MYO18A: variants seen among roughly 807,000 people sequenced by gnomAD.
The protein encoded by MYO18A is unconventional myosin-XVIIIa.
A neutral mutation model predicts 235.8 loss-of-function variants in MYO18A; 78 were observed. The ratio of observed to expected loss-of-function variants is 0.33; its 90% CI spans 0.28 to 0.40. The LOEUF (loss-of-function observed/expected upper bound fraction) is 0.40. MYO18A is among the 10% of genes least tolerant of loss of function. MYO18A has a pLI of 1.00. For synonymous variants in MYO18A, 977 were observed against 1,077.8 expected, an observed-to-expected ratio of 0.91 and a Z score of 1.83; for missense variants, 2,215 against 2,699.3, an observed-to-expected ratio of 0.82 and a Z score of 3.98.
At chr17:29,077,513 C>G (rs1251929011) in intron 41 of MYO18A, 2 of 152,288 alleles carry the variant, frequency 1.3e-5, no homozygotes, top group African/African-American at 4.8e-5. Context: ...CATCCCATGC[C>G]CCCACCCCAA....
chr17:29,089,815 G>A, intron 37 of MYO18A, 146 bp downstream of exon 37: 2 of 1,019,924 alleles, frequency 2.0e-6, no homozygotes, highest in South Asian at 1.7e-5. Flanking sequence ...CGGGAGAGAA[G>A]CACCTGCCCG....
rs748604276 is a variant in MYO18A, at chr17:29,074,134, C to T, written c.*636G>A. On this transcript the variant is annotated 3_prime_UTR_variant, in exon 42 of 42. Transcript: ENST00000527372. This position sits in a 1 kb window ranked among gnomAD's most constrained non-coding sequence, Gnocchi z 4.4. ...TCTTAAGAACCTGGACCCGGCTCTC[C>T]TCACCAGCGTCTCCAGCTGCACAGA... 1.9e-6 allele frequency: 3 copies of T among 1,613,860 alleles called. No homozygotes were observed. The highest frequency in any genetic ancestry group is 2.5e-6 in the Non-Finnish European group (3 of 1,179,984).
In MYO18A at chr17:29,125,218, G is replaced by T. The variant is rs1241660838; in HGVS notation, c.1000-2965C>A. ...AAGGGTGCCACTCCCTAGGCCAAGG[G>T]CTGTGTTCAGAGCTGTCGCCCTGCA... On this transcript the variant is annotated intron_variant, in intron 2 of 41. Transcript: ENST00000527372. The surrounding 1 kb of genome is among the most constrained non-coding windows in gnomAD (Gnocchi z 5.1). Among the ~76,000 whole-genome samples the T allele has an allele frequency of 6.6e-6, 1 of 152,150 alleles. No homozygotes were observed. Among genetic ancestry groups the T allele is most frequent in the African/African-American group, 2.4e-5 (1 of 41,424 alleles).
At chr17:29,160,835 A>G (rs949993879) in intron 2 of MYO18A, among the ~76,000 whole-genome samples, 5 of 152,028 alleles carry the variant, frequency 3.3e-5, no homozygotes, top group African/African-American at 7.2e-5. Flanking sequence ...CACCAGGAGA[A>G]GTACCCCTAC....
chr17:29,108,117 C>T (rs1423762323), intron 19 of MYO18A, among the ~76,000 whole-genome samples: 2 of 151,866 alleles, frequency 1.3e-5, no homozygotes, highest in African/African-American at 4.8e-5. Context: ...AATGAGAAAC[C>T]AGGTAAAAAG....
intron 1 of MYO18A, among the ~76,000 whole-genome samples, chr17:29,178,844 TCTGTACTCACCGTCC>T: frequency 6.6e-6 from 1 of 152,228 alleles, no homozygotes; most frequent in East Asian, 1.9e-4. Context: ...TTCAATGGGC[TCTGTACTCACCGTCC>T]TGCTCAGGTG....
intron 1 of MYO18A, among the ~76,000 whole-genome samples, chr17:29,172,527 A>G (rs564970917): frequency 6.6e-6 from 1 of 152,330 alleles, no homozygotes; most frequent in African/African-American, 2.4e-5. Flanking sequence ...AATCTCAGGC[A>G]AATCACTTAA....
In MYO18A at chr17:29,073,728, T is replaced by G; in HGVS notation, c.*1042A>C. 1 of 993,608 alleles carries G rather than the reference T, an allele frequency of 1.0e-6. No individual in the cohort carries two copies. Among genetic ancestry groups the G allele is most frequent in the East Asian group, 2.5e-5 (1 of 40,690 alleles). The allele number at this position is 993,608 out of a possible 1,614,324, so 61.5% of individuals were successfully genotyped here. Reference sequence around the variant, plus strand: ...CCTCCAGACCACATGGTGTTGTGTCTGGGATAAGTGTGTGGGGGCAGGGAG... The same window carrying G: ...CCTCCAGACCACATGGTGTTGTGTCGGGGATAAGTGTGTGGGGGCAGGGAG... On this transcript the variant is annotated 3_prime_UTR_variant, in exon 42 of 42. Coordinates refer to ENST00000527372, the MANE Select transcript of MYO18A (RefSeq NM_078471.4).
At chr17:29,093,052 C>A in intron 32 of MYO18A, 51 bp from the exon 33 acceptor site, 1 of 1,578,124 alleles carries the variant, frequency 6.3e-7, no homozygotes, top group East Asian at 2.3e-5. Context: ...GGGCTTCCTC[C>A]TATCTTCCCC....
chr17:29,162,416 G>A (rs2068193036), intron 2 of MYO18A, among the ~76,000 whole-genome samples: 1 of 152,244 alleles, frequency 6.6e-6, no homozygotes, highest in Admixed American at 6.5e-5. Context: ...CCTGAAATAT[G>A]TGATTCTCTC....
At position 29,180,198 on chromosome 17, in the gene MYO18A, GA is replaced by G. The variant is rs2068618487; in HGVS notation, c.-82+114del. 6.6e-6 allele frequency: 1 copy of G among 151,128 alleles called. No individual in the cohort carries two copies. The highest frequency in any genetic ancestry group is 1.5e-5 in the Non-Finnish European group (1 of 67,498). The allele number at this position is 151,128 out of a possible 1,614,324, so 9.4% of individuals were successfully genotyped here. On this transcript the variant is annotated intron_variant, in intron 1 of 41. Transcript: ENST00000527372. This position sits in a 1 kb window ranked among gnomAD's most constrained non-coding sequence, Gnocchi z 6.1. The stretch of plus-strand genomic sequence containing the variant: ...CTTCCAGGGGACGGGGGAGGAGGAG[GA>G]GGAGCCGGCGGGCCCCGCCGCCCGC...
intron 1 of MYO18A, among the ~76,000 whole-genome samples, chr17:29,175,478 C>T (rs1305904024): frequency 6.6e-6 from 1 of 151,428 alleles, no homozygotes; most frequent in Admixed American, 6.6e-5. Context: ...TCCTTCCCAC[C>T]GCAGCCTCCT....
chr17:29,124,927 C>G (rs1457954999), intron 2 of MYO18A, among the ~76,000 whole-genome samples: 1 of 152,154 alleles, frequency 6.6e-6, no homozygotes, highest in Non-Finnish European at 1.5e-5. Flanking sequence ...CATCAGGCCT[C>G]TCAGAGGAGA....
intron 41 of MYO18A, chr17:29,076,731 T>A (rs556405032): frequency 6.6e-6 from 1 of 152,226 alleles, no homozygotes; most frequent in African/African-American, 2.4e-5. Flanking sequence ...TTGTTTGAAT[T>A]CTAAATTAGT....
chr17:29,134,668 G>T (rs981134519), intron 2 of MYO18A, among the ~76,000 whole-genome samples: 1 of 151,964 alleles, frequency 6.6e-6, no homozygotes, highest in Non-Finnish European at 1.5e-5. Context: ...GATTACAGGC[G>T]CCCGCTACCA....
chr17:29,107,443 A>G (rs1598313294), intron 19 of MYO18A: 6 of 466,756 alleles, frequency 1.3e-5, no homozygotes, highest in South Asian at 1.1e-4. Flanking sequence ...CCTCCTTCAG[A>G]GAGAAGTAAG....
rs1033457090 is a variant in MYO18A, at chr17:29,110,621, T to C, written c.2902A>G (p.Lys968Glu). The C allele has an allele frequency of 2.5e-6, 4 of 1,602,534 alleles. No individual in the cohort carries two copies. The Admixed American group carries it at 6.8e-5, about 27-fold the overall frequency. Residue 968 changes from lysine to glutamate, a missense_variant and splice_region_variant, in exon 18 of 42, where the codon AAA becomes GAA. Physicochemically the swap from Lys to Glu is moderately conservative, Grantham distance 56. Coordinates refer to ENST00000527372, the MANE Select transcript of MYO18A (RefSeq NM_078471.4). The part of the protein sequence containing the change: ...APRLLQDSQK[K>E]IISNLFLGRA... Reference sequence around the variant, plus strand: ...CCCAGAAACAGGTTGCTGATGATTTTTCTGCCAGAGGTGGGAGGATAAGGG... The same window carrying C: ...CCCAGAAACAGGTTGCTGATGATTTCTCTGCCAGAGGTGGGAGGATAAGGG...
chr17:29,082,505 G>C, intron 40 of MYO18A, 67 bp from the exon 41 acceptor site: 2 of 1,524,780 alleles, frequency 1.3e-6, no homozygotes. Flanking sequence ...GGGAGCAGAT[G>C]GGGGTGCAGG....
chr17:29,141,629 T>G (rs2067741566), intron 2 of MYO18A, among the ~76,000 whole-genome samples: 1 of 152,174 alleles, frequency 6.6e-6, no homozygotes. Context: ...CAGCCCTGCC[T>G]CCTACCTGCC....
Sources: gnomAD v4.1 joint callset for allele counts (sites outside exome capture counted in the v4.1 genomes callset) on GRCh38, gnomAD v4.1.1 for gene constraint, Gnocchi (gnomAD v3.1) non-coding constraint, MANE v1.5 for transcripts, NCBI Gene and HGNC (gene_info 2026-07-23, HGNC 2026-07-21) for gene names.